Variants in WDR43 observed in about 807,000 individuals in gnomAD.
WDR43 encodes WD repeat domain 43.
WDR43 carries 13 observed loss-of-function variants against 91.4 expected under a neutral mutation model. The ratio of observed to expected loss-of-function variants is 0.14; its 90% confidence interval spans 0.09 to 0.23. The LOEUF is 0.23. Among genes scored for constraint, WDR43 ranks in the 10% least tolerant of loss-of-function variants. WDR43 has a pLI of 1.00. For synonymous variants in WDR43, 331 were observed against 287.9 expected, an observed-to-expected ratio of 1.15 and a Z score of -1.51; for missense variants, 780 against 809.4, an observed-to-expected ratio of 0.96 and a Z score of 0.44.
chr2:28,943,001 A>T (rs1269772204), intron 16 of WDR43, among the ~76,000 whole-genome samples: 1 of 152,232 alleles, frequency 6.6e-6, no homozygotes, highest in Non-Finnish European at 1.5e-5. Context: ...AGGAAACATT[A>T]ATGACCAAAA....
intron 3 of WDR43, among the ~76,000 whole-genome samples, chr2:28,907,472 G>A (rs1670704890): frequency 6.7e-6 from 1 of 150,254 alleles, no homozygotes; most frequent in Non-Finnish European, 1.5e-5. Flanking sequence ...AAAAAAATTG[G>A]GTGTGGTGGC....
At position 28,894,855 on chromosome 2, in the gene WDR43, G is replaced by C. The variant is rs748913187; in HGVS notation, c.157G>C (p.Val53Leu). The change falls in exon 1 of 18, where the codon GTG becomes CTG. Residue 53 changes from valine to leucine, a missense_variant. By Grantham distance (32) the Val-to-Leu change is conservative (BLOSUM62 1). Transcript: ENST00000407426. ...TANNRLHQEY[V>L]PSAHLSGTCT... ...CAACAACCGGCTGCACCAGGAGTAC[G>C]TGCCTTCCGCGCACCTCAGTGGTAC... The C allele has an allele frequency of 3.1e-6, 5 of 1,610,648 alleles. No homozygotes were observed. Among genetic ancestry groups the C allele is most frequent in the Non-Finnish European group, 4.2e-6 (5 of 1,178,646 alleles).
chr2:28,894,710 C>T lies in WDR43; in HGVS notation c.12C>T (p.Gly4=), dbSNP rs778883356. The part of the protein sequence containing the change: MAA[G]GGGSCDPLAP... ...GGGCCAGAGCAGCAATGGCGGCGGG[C>T]GGCGGCGGTAGCTGCGACCCCCTGG... Residue 4 remains glycine (G), a synonymous_variant, in exon 1 of 18, where the codon GGC becomes GGT. Transcript: ENST00000407426. 1.3e-5 allele frequency: 20 copies of T among 1,558,606 alleles called. No individual in the cohort carries two copies. Among genetic ancestry groups the T allele is most frequent in the African/African-American group, 4.1e-5 (3 of 73,192 alleles).
In WDR43 at chr2:28,941,478, C is replaced by G; in HGVS notation, c.1638C>G (p.Pro546=). ...SYLSTLPDLV[P]QLGTLYQLME... is the part of the protein sequence containing the mutation. Reference sequence around the variant, plus strand: ...TTCTCTAGTTGCCTGACCTGGTACCCCAGCTGGGGACACTCTACCAGTTAA... The same window carrying G: ...TTCTCTAGTTGCCTGACCTGGTACCGCAGCTGGGGACACTCTACCAGTTAA... The change falls in exon 15 of 18, where the codon CCC becomes CCG. Residue 546 remains proline, a synonymous_variant. Transcript: ENST00000407426. 1.2e-6 allele frequency: 2 copies of G among 1,613,160 alleles called. No homozygotes were observed. Among genetic ancestry groups the G allele is most frequent in the Non-Finnish European group, 1.7e-6 (2 of 1,179,518 alleles).
chr2:28,908,646 A>G (rs1388362866), intron 3 of WDR43, among the ~76,000 whole-genome samples: 5 of 152,222 alleles, frequency 3.3e-5, no homozygotes, highest in African/African-American at 1.2e-4. Context: ...TAGATTAAAC[A>G]AGAGCCTGAC....
chr2:28,935,712 T>TA (rs1671324910), intron 12 of WDR43, 105 bp downstream of exon 12: 1 of 555,420 alleles, frequency 1.8e-6, no homozygotes, highest in Non-Finnish European at 2.9e-6. Flanking sequence ...ACATGGCATT[T>TA]AGAGTGAGTA....
intron 16 of WDR43, among the ~76,000 whole-genome samples, chr2:28,943,577 G>C (rs1351048892): frequency 6.6e-6 from 1 of 152,116 alleles, no homozygotes; most frequent in East Asian, 1.9e-4. Context: ...AGAAGTGTAG[G>C]GTTACAGAGT....
chr2:28,931,022 A>C (rs1012813537), intron 11 of WDR43, among the ~76,000 whole-genome samples: 2 of 152,082 alleles, frequency 1.3e-5, no homozygotes, highest in African/African-American at 4.8e-5. Flanking sequence ...AAAATTATCA[A>C]ATATCATTAG....
At chr2:28,902,710 C>T (rs1346684290) in intron 2 of WDR43, among the ~76,000 whole-genome samples, 1 of 152,214 alleles carries the variant, frequency 6.6e-6, no homozygotes, top group Non-Finnish European at 1.5e-5. Flanking sequence ...GAACAAGTCC[C>T]TTCTCTCTCC....
At position 28,914,139 on chromosome 2, in the gene WDR43, A is replaced by C; in HGVS notation, c.677A>C (p.Gln226Pro). Residue 226 changes from glutamine to proline, a missense_variant, in exon 5 of 18, where the codon CAG becomes CCG. Physicochemically the swap from Gln to Pro is moderately conservative, Grantham distance 76. Transcript: ENST00000407426. ...FTTIRPPNES[Q>P]PFDGITGLYF... ...ACCATCAGACCTCCTAATGAGAGCC[A>C]GCCCTTTGATGGAATTACAGGTCTT... is the stretch of plus-strand genomic sequence containing the variant. The C allele has an allele frequency of 6.2e-7, 1 of 1,614,008 alleles. No homozygotes were observed. Among genetic ancestry groups the C allele is most frequent in the Non-Finnish European group, 8.5e-7 (1 of 1,179,888 alleles).
In WDR43 at chr2:28,923,498, A is replaced by G. The variant is rs530227105; in HGVS notation, c.914+515A>G. Among the ~76,000 whole-genome samples, 19 of 152,296 alleles carry G rather than the reference A, an allele frequency of 1.2e-4. No homozygotes were observed. The South Asian group carries it at 3.5e-3, about 28-fold the overall frequency. On this transcript the variant is annotated intron_variant, in intron 7 of 17. Coordinates refer to ENST00000407426, the MANE Select transcript of WDR43 (RefSeq NM_015131.3). ...AGAAAACTTGCCAAACCTTGTCATT[A>G]TACTGTAAACATGGTCTGAGACTCA...
In WDR43 at chr2:28,946,760, A is replaced by ATGAAAG. The variant is rs753456581; in HGVS notation, c.2020_2025dup (p.Ser674_Glu675dup). 1 of 1,581,422 alleles carries ATGAAAG rather than the reference A, an allele frequency of 6.3e-7. No homozygotes were observed. The highest frequency in any genetic ancestry group is 2.3e-5 in the East Asian group (1 of 43,692). On this transcript the variant is annotated inframe_insertion, in exon 18 of 18. Coordinates refer to ENST00000407426, the MANE Select transcript of WDR43 (RefSeq NM_015131.3). The stretch of plus-strand genomic sequence containing the variant: ...GGAGATTCTGATTTAGATCCTGAAA[A>ATGAAAG]TGAAAGTGAAGAAGAATGAAGACAG...
chr2:28,921,228 A>G (rs1250794593), intron 6 of WDR43, among the ~76,000 whole-genome samples: 2 of 151,844 alleles, frequency 1.3e-5, no homozygotes. Context: ...CCCGGGTTCA[A>G]GCGATTCTCC....
chr2:28,918,199 G>A (rs963435159), intron 6 of WDR43, among the ~76,000 whole-genome samples: 1 of 152,108 alleles, frequency 6.6e-6, no homozygotes, highest in African/African-American at 2.4e-5. Context: ...GTACAGGACG[G>A]TAGTAAATTC....
intron 3 of WDR43, among the ~76,000 whole-genome samples, chr2:28,907,157 A>G (rs2148181226): frequency 6.6e-6 from 1 of 152,338 alleles, no homozygotes; most frequent in Non-Finnish European, 1.5e-5. Context: ...TTGGCCGTAT[A>G]GGAGATGCTT....
chr2:28,901,586 T>C (rs1038768081), intron 1 of WDR43, among the ~76,000 whole-genome samples: 4 of 152,194 alleles, frequency 2.6e-5, no homozygotes, highest in Admixed American at 6.5e-5. Context: ...TGCTTAGATA[T>C]GGACTTACGG....
chr2:28,902,364 G>T (rs934954550), intron 2 of WDR43, among the ~76,000 whole-genome samples: 1 of 152,210 alleles, frequency 6.6e-6, no homozygotes, highest in Non-Finnish European at 1.5e-5. Context: ...ATAAGGAAGG[G>T]TTACAGGAAC....
intron 6 of WDR43, among the ~76,000 whole-genome samples, chr2:28,918,512 G>C (rs1052849798): frequency 6.6e-6 from 1 of 152,046 alleles, no homozygotes; most frequent in Non-Finnish European, 1.5e-5. Flanking sequence ...GGGATTACAG[G>C]CATGTGCCAC....
chr2:28,931,987 C>A (rs547183846), intron 11 of WDR43, among the ~76,000 whole-genome samples: 4 of 151,364 alleles, frequency 2.6e-5, no homozygotes, highest in South Asian at 2.1e-4. Flanking sequence ...GTGATCCTGC[C>A]ACCTCAGCCT....
Sources: allele counts gnomAD v4.1 joint callset (sites outside exome capture counted in the v4.1 genomes callset), GRCh38; gene constraint gnomAD v4.1.1; transcripts MANE v1.5; gene names NCBI Gene and HGNC (gene_info 2026-07-23, HGNC 2026-07-21).